SEPTIN9: variants seen among roughly 807,000 people sequenced by gnomAD.
SEPTIN9 encodes the protein septin-9.
In SEPTIN9, 13 loss-of-function variants were observed where a neutral mutation model predicts 56.6. That is an observed-to-expected ratio of 0.23 (90% CI 0.15 to 0.37). The LOEUF (loss-of-function observed/expected upper bound fraction) is 0.37. Among genes scored for constraint, SEPTIN9 ranks in the 10% least tolerant of loss-of-function variants. SEPTIN9 has a pLI of 1.00. For missense variants in SEPTIN9, 650 were observed against 823.1 expected (o/e 0.79, Z 2.57); for synonymous variants, 332 against 334.1 (o/e 0.99, Z 0.07).
At chr17:77,358,646 A>G (rs2034326916) in intron 2 of SEPTIN9, among the ~76,000 whole-genome samples, 1 of 152,218 alleles carries the variant, frequency 6.6e-6, no homozygotes, top group Non-Finnish European at 1.5e-5. Context: ...TCTCAAAAAT[A>G]ATAAATAAAT....
chr17:77,394,337 C>T (rs762824336), intron 2 of SEPTIN9, among the ~76,000 whole-genome samples: 4 of 152,182 alleles, frequency 2.6e-5, no homozygotes, highest in African/African-American at 7.2e-5. Context: ...GAGGTTTTCC[C>T]GTGGCTTTTT....
At chr17:77,488,891 C>T (rs1297552136) in intron 7 of SEPTIN9, 27 bp downstream of exon 7, 3 of 1,611,446 alleles carry the variant, frequency 1.9e-6, no homozygotes, top group East Asian at 2.2e-5. Context: ...TCGGCGTCCT[C>T]ATGCCGGGTG....
At chr17:77,481,908 G>C (rs2039470834) in intron 3 of SEPTIN9, 2 of 580,552 alleles carry the variant, frequency 3.4e-6, no homozygotes, top group Admixed American at 3.0e-5. Context: ...GGGAGTCTGG[G>C]GATGGAGCTT....
rs985224328 is a variant in SEPTIN9, at chr17:77,429,395, G to T, written c.721+26692G>T. 2.4e-6 allele frequency: 1 copy of T among 421,652 alleles called. No homozygotes were observed. Among genetic ancestry groups the T allele is most frequent in the Non-Finnish European group, 5.0e-6 (1 of 199,218 alleles). The allele number at this position is 421,652 out of a possible 1,614,324, so 26.1% of individuals were successfully genotyped here. On this transcript the variant is annotated intron_variant, in intron 3 of 11. Coordinates refer to ENST00000427177, the MANE Select transcript of SEPTIN9 (RefSeq NM_001113491.2). The surrounding 1 kb of genome is among the most constrained non-coding windows in gnomAD (Gnocchi z 5.2). ...TTGCAAAATGGGGACATCACCGTCC[G>T]CCTGGGCTACAGCGTGCTCGCCGAT...
At chr17:77,403,421 G>A (rs967019961) in intron 3 of SEPTIN9, among the ~76,000 whole-genome samples, 2 of 152,240 alleles carry the variant, frequency 1.3e-5, no homozygotes, top group Admixed American at 6.5e-5. Flanking sequence ...GAGAGGCCAT[G>A]GGGCTCCAGC....
chr17:77,487,185 C>T lies in SEPTIN9; in HGVS notation c.914-239C>T, dbSNP rs1202987573. ...GCCCGGCTCACCTCTCAGGAGAGGA[C>T]TGTGGCCTGGGTTGTGCTGGCATCA... On this transcript the variant is annotated intron_variant, in intron 4 of 11. Coordinates refer to ENST00000427177, the MANE Select transcript of SEPTIN9 (RefSeq NM_001113491.2). The surrounding 1 kb of genome is among the most constrained non-coding windows in gnomAD (Gnocchi z 4.3). 6.6e-6 allele frequency among the ~76,000 whole-genome samples: 1 copy of T among 152,234 alleles called. No individual in the cohort carries two copies. The highest frequency in any genetic ancestry group is 1.5e-5 in the Non-Finnish European group (1 of 68,038).
In SEPTIN9 at chr17:77,473,682, A is replaced by T. The variant is rs553207538; in HGVS notation, c.722-8462A>T. Among the ~76,000 whole-genome samples the T allele has an allele frequency of 3.3e-5, 5 of 152,340 alleles. No homozygotes were observed. The South Asian group carries it at 6.2e-4, about 19-fold the overall frequency. On this transcript the variant is annotated intron_variant, in intron 3 of 11. Coordinates refer to ENST00000427177, the MANE Select transcript of SEPTIN9 (RefSeq NM_001113491.2). ...CTGTATCAGATTGTGAATTCCTTAC[A>T]TGTTAAAGACTGCTTCAAATCTGTC...
Position 77,378,388 on chromosome 17 carries a change from G to A in SEPTIN9, c.77-23671G>A, listed in dbSNP as rs2143946704. Among the ~76,000 whole-genome samples the A allele has an allele frequency of 2.0e-5, 3 of 152,290 alleles. No homozygotes were observed. In the South Asian group the frequency reaches 6.2e-4, roughly 32 times the overall value. On this transcript the variant is annotated intron_variant, in intron 2 of 11. Transcript: ENST00000427177. ...TCGCCTGTTTCCCTGCCTGCAAAGTGGGGTTAGAAACAGCTCTCTTTGAGG... is the reference window on the plus strand; with the variant it reads ...TCGCCTGTTTCCCTGCCTGCAAAGTAGGGTTAGAAACAGCTCTCTTTGAGG...
intron 10 of SEPTIN9, among the ~76,000 whole-genome samples, chr17:77,493,765 C>CTTTTTTTTTTTTT (rs35829686): frequency 1.8e-5 from 2 of 111,444 alleles, no homozygotes; most frequent in African/African-American, 7.5e-5. Context: ...CCTCCTCTTC[C>CTTTTTTTTTTTTT]TTTTTTTTTT....
intron 2 of SEPTIN9, among the ~76,000 whole-genome samples, chr17:77,370,127 C>G (rs186672783): frequency 6.6e-6 from 1 of 152,204 alleles, no homozygotes; most frequent in Non-Finnish European, 1.5e-5. Context: ...GAATAAGGCA[C>G]GAGTTTCTCC....
At chr17:77,376,441 C>T (rs1197190225) in intron 2 of SEPTIN9, 9 of 970,482 alleles carry the variant, frequency 9.3e-6, no homozygotes, top group Non-Finnish European at 9.8e-6. Context: ...CTCCTTACAG[C>T]GCTGGGATGG....
chr17:77,472,415 C>T (rs1200249410), intron 3 of SEPTIN9: 2 of 152,222 alleles, frequency 1.3e-5, no homozygotes, highest in African/African-American at 4.8e-5. Flanking sequence ...TCGGGGGCGC[C>T]TCGGCCCCTG....
chr17:77,490,062 G>T (rs1173873724), intron 7 of SEPTIN9, among the ~76,000 whole-genome samples: 1 of 152,194 alleles, frequency 6.6e-6, no homozygotes, highest in East Asian at 1.9e-4. Flanking sequence ...ATGTTGCCTG[G>T]TCCCGCCCAA....
At chr17:77,320,262 G>A in intron 2 of SEPTIN9, 1 of 1,611,784 alleles carries the variant, frequency 6.2e-7, no homozygotes, top group Non-Finnish European at 8.5e-7. Context: ...ACGGGGGTGA[G>A]AAAGGGGAGG....
At chr17:77,376,270 A>G (rs772115052) in intron 2 of SEPTIN9, 88 of 985,880 alleles carry the variant, frequency 8.9e-5, no homozygotes, top group Non-Finnish European at 9.6e-5. Flanking sequence ...AGGGCCAGGC[A>G]TGCCCGCCGG....
At chr17:77,455,060 T>TC (rs939576997) in intron 3 of SEPTIN9, among the ~76,000 whole-genome samples, 9 of 151,750 alleles carry the variant, frequency 5.9e-5, no homozygotes, top group Admixed American at 2.6e-4. Flanking sequence ...TTTTTTTTTT[T>TC]CCCTCCCTTT....
chr17:77,333,571 A>G (rs1231567416), intron 2 of SEPTIN9, among the ~76,000 whole-genome samples: 1 of 152,094 alleles, frequency 6.6e-6, no homozygotes, highest in East Asian at 1.9e-4. Context: ...AAAGTGTGTC[A>G]CTTTAATTTT....
intron 2 of SEPTIN9, among the ~76,000 whole-genome samples, chr17:77,358,753 G>A (rs555461843): frequency 2.0e-5 from 3 of 152,300 alleles, no homozygotes; most frequent in African/African-American, 7.2e-5. Context: ...TATGTATATT[G>A]CACCAGATTC....
intron 3 of SEPTIN9, among the ~76,000 whole-genome samples, chr17:77,423,092 A>G (rs937287313): frequency 6.6e-6 from 1 of 151,980 alleles, no homozygotes; most frequent in South Asian, 2.1e-4. Flanking sequence ...CTGAAGTACA[A>G]TGGTGTGATA....
Sources: allele counts gnomAD v4.1 joint callset (sites outside exome capture counted in the v4.1 genomes callset), GRCh38; gene constraint gnomAD v4.1.1; non-coding constraint Gnocchi (gnomAD v3.1); transcripts MANE v1.5; gene names NCBI Gene and HGNC (gene_info 2026-07-23, HGNC 2026-07-21).